SVIL: variants seen among roughly 807,000 people sequenced by gnomAD.
SVIL encodes the protein archvillin.
SVIL carries 101 observed loss-of-function variants against 240.4 expected under a neutral mutation model. The observed-to-expected ratio is 0.42, with a 90% CI of 0.36 to 0.50. The LOEUF (loss-of-function observed/expected upper bound fraction) is 0.50. Among genes scored for constraint, SVIL ranks in the 20% least tolerant of loss-of-function variants. SVIL has a pLI of 0.01. For missense variants in SVIL, 2,512 were observed against 2,818.7 expected (o/e 0.89, Z 2.46); for synonymous variants, 999 against 1,100.0 (o/e 0.91, Z 1.82).
intron 2 of SVIL, among the ~76,000 whole-genome samples, chr10:29,681,162 C>A (rs1960613526): frequency 6.6e-6 from 1 of 151,912 alleles, no homozygotes; most frequent in Non-Finnish European, 1.5e-5. Flanking sequence ...GTGACTGGTA[C>A]AACTGGGAAG....
chr10:29,481,972 C>G (rs1946905742), intron 27 of SVIL, among the ~76,000 whole-genome samples: 1 of 151,346 alleles, frequency 6.6e-6, no homozygotes, highest in Non-Finnish European at 1.5e-5. Context: ...GTGACATGAA[C>G]CATGTCAGGA....
chr10:29,637,989 TGA>T (rs532433476), upstream of SVIL, among the ~76,000 whole-genome samples: 253 of 152,258 alleles, frequency 1.7e-3, 2 homozygotes, highest in African/African-American at 4.3e-3. Context: ...CAGGGCCACA[TGA>T]GAGACCCCTG....
intron 1 of SVIL, among the ~76,000 whole-genome samples, chr10:29,573,789 G>C (rs578029103): frequency 2.0e-5 from 3 of 151,820 alleles, no homozygotes; most frequent in Non-Finnish European, 2.9e-5. Flanking sequence ...TCCACCTCCC[G>C]GGTTCAAGCG....
At chr10:29,524,273 G>A (rs552613306) in intron 14 of SVIL, among the ~76,000 whole-genome samples, 199 bp downstream of exon 14, 402 of 152,174 alleles carry the variant, frequency 2.6e-3, no homozygotes, top group African/African-American at 9.1e-3. Flanking sequence ...ATTTCAGCAA[G>A]CAAGGTATGA....
chr10:29,634,499 T>G lies in SVIL; in HGVS notation c.-280A>C, dbSNP rs1408317113. 6.6e-6 allele frequency: 1 copy of G among 152,204 alleles called. No individual in the cohort carries two copies. Among genetic ancestry groups the G allele is most frequent in the Non-Finnish European group, 1.5e-5 (1 of 68,040 alleles). The allele number at this position is 152,204 out of a possible 1,614,324, so 9.4% of individuals were successfully genotyped here. A position where few individuals can be genotyped will look rare whatever the true frequency, so the allele number is the denominator to read the frequency against. ...CACTGCAATTCCTTATTTTTCTAATTTAAAAAACAAAACAAAACACGTTAT... is the reference window on the plus strand; with the variant it reads ...CACTGCAATTCCTTATTTTTCTAATGTAAAAAACAAAACAAAACACGTTAT... On this transcript the variant is annotated 5_prime_UTR_variant, in exon 1 of 38. Coordinates refer to ENST00000355867, the MANE Select transcript of SVIL (RefSeq NM_021738.3).
At chr10:29,729,412 T>C (rs1403504826) in intron 1 of SVIL, among the ~76,000 whole-genome samples, 1 of 150,120 alleles carries the variant, frequency 6.7e-6, no homozygotes. Flanking sequence ...AAAAGGATAG[T>C]GGGTACAGTA....
At chr10:29,485,661 G>A (rs941295709) in intron 26 of SVIL, among the ~76,000 whole-genome samples, 3 of 152,162 alleles carry the variant, frequency 2.0e-5, no homozygotes, top group African/African-American at 4.8e-5. Context: ...TACTGGAAAT[G>A]TATGTAATTA....
chr10:29,530,742 G>A (rs1426574026), intron 10 of SVIL, 74 bp from the exon 11 acceptor site: 2 of 1,538,976 alleles, frequency 1.3e-6, no homozygotes, highest in East Asian at 2.2e-5. Context: ...AGTCTTTCAG[G>A]GCTGACCTGG....
intron 1 of SVIL, among the ~76,000 whole-genome samples, chr10:29,634,208 G>C (rs1221586782): frequency 7.1e-6 from 1 of 141,188 alleles, no homozygotes; most frequent in Non-Finnish European, 1.5e-5. Flanking sequence ...AAAAAAAAAA[G>C]TCCAATCCTT....
intron 17 of SVIL, chr10:29,508,202 G>A (rs61849294): frequency 0.08 from 33,411 of 416,554 alleles, 1,587 homozygotes; most frequent in South Asian, 0.11. Context: ...TCTCCACTCC[G>A]GACAAAGGCT....
At chr10:29,696,966 G>T (rs1423796621) in intron 1 of SVIL, among the ~76,000 whole-genome samples, 1 of 145,874 alleles carries the variant, frequency 6.9e-6, no homozygotes, top group Non-Finnish European at 1.5e-5. Flanking sequence ...GGAGGGAGGT[G>T]GGGGGGTCAG....
At position 29,735,019 on chromosome 10, in the gene SVIL, C is replaced by G. The variant is rs1423317470; in HGVS notation, c.-400+732G>C. ...GAAGCTCTTAATCCCGCACCTGACC[C>G]AGATTGCGGCCTGGACTGGAGCCTC... On this transcript the variant is annotated intron_variant, in intron 1 of 35. Transcript: ENST00000375400. This position sits in a 1 kb window ranked among gnomAD's most constrained non-coding sequence, Gnocchi z 4.1. Among the ~76,000 whole-genome samples, 1 of 152,214 alleles carries G rather than the reference C, an allele frequency of 6.6e-6. No homozygotes were observed. The highest frequency in any genetic ancestry group is 1.5e-5 in the Non-Finnish European group (1 of 68,034).
At position 29,501,851 on chromosome 10, in the gene SVIL, G is replaced by A. The variant is rs375088222; in HGVS notation, c.3517-2588C>T. Among the ~76,000 whole-genome samples, 237 of 152,278 alleles carry A rather than the reference G, an allele frequency of 1.6e-3. 1 individual carries two copies. The highest frequency in any genetic ancestry group is 4.3e-3 in the African/African-American group (179 of 41,554). On this transcript the variant is annotated intron_variant, in intron 17 of 37. Transcript: ENST00000355867. The stretch of plus-strand genomic sequence containing the variant: ...AACATCAAGTGCCAAGAAAGTTGGC[G>A]TCTCCAAAGGTCCAGCCATCACTGT...
chr10:29,660,227 T>A (rs1959116264), intron 2 of SVIL, among the ~76,000 whole-genome samples: 3 of 151,768 alleles, frequency 2.0e-5, no homozygotes, highest in Admixed American at 2.0e-4. Flanking sequence ...AAAGATTGTT[T>A]GGGCCCAGGA....
intron 3 of SVIL, among the ~76,000 whole-genome samples, chr10:29,645,727 C>G (rs1181175176): frequency 6.6e-6 from 1 of 152,138 alleles, no homozygotes; most frequent in Non-Finnish European, 1.5e-5. Flanking sequence ...GAGACTCAGG[C>G]CAAAGCAGAT....
chr10:29,628,820 C>A (rs1957974009), intron 1 of SVIL, among the ~76,000 whole-genome samples: 1 of 151,990 alleles, frequency 6.6e-6, no homozygotes, highest in African/African-American at 2.4e-5. Context: ...TTAAATGGAC[C>A]TTAAGAAGGA....
chr10:29,633,535 C>T (rs932013535), intron 1 of SVIL, among the ~76,000 whole-genome samples: 1 of 152,150 alleles, frequency 6.6e-6, no homozygotes, highest in East Asian at 1.9e-4. Context: ...GGTTGCCACA[C>T]TATCTCCGGT....
chr10:29,536,096 A>C (rs1358792183), intron 6 of SVIL, 27 bp from the exon 7 acceptor site: 1 of 1,606,682 alleles, frequency 6.2e-7, no homozygotes, highest in Non-Finnish European at 8.5e-7. Flanking sequence ...ACAAAACCAG[A>C]TAATCTCTAT....
rs777862633 is a variant in SVIL, at chr10:29,458,317, G to A, written c.6575C>T (p.Thr2192Met). ...GGGCAGGGCGTTGTATTCATCCCTC[G>A]TCATGTCTAGTGCAAACTGGAAACA... is the stretch of plus-strand genomic sequence containing the variant. ...DEDFEFALDM[T>M]RDEYNALPAW... The change falls in exon 38 of 38, where the codon ACG becomes ATG. Residue 2192 changes from threonine (T) to methionine (M), a missense_variant. This residue lies in a region of SVIL where 797 missense variants were observed against 925.3 expected (regional missense o/e 0.86). Coordinates refer to ENST00000355867, the MANE Select transcript of SVIL (RefSeq NM_021738.3). 1.2e-5 allele frequency: 20 copies of A among 1,614,188 alleles called. No homozygotes were observed. Among genetic ancestry groups the A allele is most frequent in the South Asian group, 4.4e-5 (4 of 91,080 alleles).
Sources: gnomAD v4.1 joint callset for allele counts (sites outside exome capture counted in the v4.1 genomes callset) on GRCh38, gnomAD v4.1.1 for gene constraint, gnomAD v4.1.1 regional missense constraint, Gnocchi (gnomAD v3.1) non-coding constraint, MANE v1.5 for transcripts, NCBI Gene and HGNC (gene_info 2026-07-23, HGNC 2026-07-21) for gene names.